Variants in KIAA1549L observed in about 807,000 individuals in gnomAD.
The protein encoded by KIAA1549L is KIAA1549 like.
Under a neutral mutation model 160.7 loss-of-function variants are expected in KIAA1549L, and 88 were observed. The observed-to-expected ratio is 0.55, with a 90% confidence interval of 0.46 to 0.65. KIAA1549L has a LOEUF of 0.65. Ranked by LOEUF, KIAA1549L falls within the 30% of genes least tolerant of loss-of-function variation. KIAA1549L has a pLI of 0.00. For missense variants in KIAA1549L, 2,258 were observed against 2,437.5 expected (o/e 0.93, Z 1.55); for synonymous variants, 950 against 976.7 (o/e 0.97, Z 0.51).
At chr11:33,647,831 A>G (rs1851768817) in intron 17 of KIAA1549L, among the ~76,000 whole-genome samples, 1 of 152,184 alleles carries the variant, frequency 6.6e-6, no homozygotes, top group Non-Finnish European at 1.5e-5. Flanking sequence ...ATGAAAACTT[A>G]AATGGTTCTG....
At chr11:33,602,521 C>T (rs1453035303) in intron 13 of KIAA1549L, among the ~76,000 whole-genome samples, 1 of 152,164 alleles carries the variant, frequency 6.6e-6, no homozygotes. Flanking sequence ...GGAGGCACTC[C>T]CCATGCCAGT....
intron 1 of KIAA1549L, among the ~76,000 whole-genome samples, chr11:33,448,625 T>C (rs1002734424): frequency 3.3e-4 from 50 of 152,206 alleles, no homozygotes; most frequent in African/African-American, 1.2e-3. Context: ...TTGAGGTCTT[T>C]TGGTTATGAT....
chr11:33,645,161 G>T (rs1411871320), intron 16 of KIAA1549L, among the ~76,000 whole-genome samples: 1 of 152,216 alleles, frequency 6.6e-6, no homozygotes, highest in Admixed American at 6.5e-5. Flanking sequence ...GCTTCTGATT[G>T]CGTACCACGC....
chr11:33,456,133 A>C (rs1851815917), intron 1 of KIAA1549L, among the ~76,000 whole-genome samples: 2 of 152,194 alleles, frequency 1.3e-5, no homozygotes, highest in Non-Finnish European at 2.9e-5. Context: ...ATTTAAAATG[A>C]AAAGAGGAGA....
At chr11:33,465,383 T>A in intron 1 of KIAA1549L, among the ~76,000 whole-genome samples, 1 of 152,022 alleles carries the variant, frequency 6.6e-6, no homozygotes, top group Non-Finnish European at 1.5e-5. Context: ...TCCTTCACCG[T>A]CACCTCTTAT....
At position 33,540,783 on chromosome 11, in the gene KIAA1549L, A is replaced by G. The variant is rs566177727; in HGVS notation, c.239-1019A>G. ...CTTTGGCTCTTCAGAAAGCACCCCA[A>G]TGATCCTGATCTGGTGATCAGGAGA... On this transcript the variant is annotated intron_variant, in intron 1 of 20. Coordinates refer to ENST00000658780, the MANE Select transcript of KIAA1549L (RefSeq NM_012194.3). 3.6e-4 allele frequency among the ~76,000 whole-genome samples: 55 copies of G among 152,300 alleles called. 1 individual carries two copies. The highest frequency in any genetic ancestry group is 8.9e-4 in the African/African-American group (37 of 41,564).
At chr11:33,522,901 A>C (rs1030401099) in intron 1 of KIAA1549L, among the ~76,000 whole-genome samples, 2 of 14,542 alleles carry the variant, frequency 1.4e-4, no homozygotes, top group East Asian at 1.8e-3. Context: ...TCTCTCTCTC[A>C]AAAAAAAAAA....
intron 1 of KIAA1549L, among the ~76,000 whole-genome samples, chr11:33,408,265 A>G (rs182527125): frequency 6.6e-6 from 1 of 152,220 alleles, no homozygotes; most frequent in Non-Finnish European, 1.5e-5. Flanking sequence ...TGCTCTGGGC[A>G]TCAGTCGGGA....
At chr11:33,597,381 G>A (rs1185882244) in intron 12 of KIAA1549L, among the ~76,000 whole-genome samples, 2 of 152,162 alleles carry the variant, frequency 1.3e-5, no homozygotes, top group Non-Finnish European at 2.9e-5. Context: ...GAGGGGAGAA[G>A]GGAGGAGGAG....
intron 18 of KIAA1549L, 34 bp downstream of exon 18, chr11:33,656,143 A>G (rs1852057836): frequency 6.4e-7 from 1 of 1,550,748 alleles, no homozygotes; most frequent in African/African-American, 1.4e-5. Flanking sequence ...TGTTTGGAAT[A>G]TTTGGAAAAG....
At chr11:33,657,570 G>A (rs1032230561) in intron 18 of KIAA1549L, among the ~76,000 whole-genome samples, 2 of 152,156 alleles carry the variant, frequency 1.3e-5, no homozygotes, top group African/African-American at 4.8e-5. Context: ...GCTGAGGCGG[G>A]TGGATCATTT....
chr11:33,620,024 A>T (rs1453812838), intron 16 of KIAA1549L, among the ~76,000 whole-genome samples: 2 of 150,020 alleles, frequency 1.3e-5, no homozygotes, highest in African/African-American at 5.0e-5. Context: ...ATTGGCATTA[A>T]TAGGGTTTTT....
intron 4 of KIAA1549L, 137 bp from the exon 5 acceptor site, chr11:33,550,903 G>A (rs1854437498): frequency 1.4e-6 from 1 of 734,204 alleles, no homozygotes; most frequent in Admixed American, 2.2e-5. Flanking sequence ...TTATAGAATT[G>A]TTAAGAATAT....
At chr11:33,439,746 C>G (rs1459159753) in intron 1 of KIAA1549L, among the ~76,000 whole-genome samples, 2 of 151,998 alleles carry the variant, frequency 1.3e-5, no homozygotes, top group African/African-American at 4.8e-5. Flanking sequence ...TTTGAGTTCT[C>G]TCTTCTAGCT....
At chr11:33,424,817 A>T (rs554549435) in intron 1 of KIAA1549L, among the ~76,000 whole-genome samples, 1 of 152,284 alleles carries the variant, frequency 6.6e-6, no homozygotes, top group Admixed American at 6.5e-5. Context: ...ATCATCACAG[A>T]TGCAGCCTGC....
Position 33,668,359 on chromosome 11 carries a change from AGT to A in KIAA1549L, c.*206_*207del. On this transcript the variant is annotated 3_prime_UTR_variant, in exon 21 of 21. Coordinates refer to ENST00000658780, the MANE Select transcript of KIAA1549L (RefSeq NM_012194.3). The stretch of plus-strand genomic sequence containing the variant: ...GGCTCATCCAACTGATTGTGGGTCA[AGT>A]CCCTGGCTTGGGGCCTTATGTTTGA... 1.7e-6 allele frequency: 1 copy of A among 602,464 alleles called. No homozygotes were observed. The highest frequency in any genetic ancestry group is 2.1e-5 in the South Asian group (1 of 47,238). The allele number at this position is 602,464 out of a possible 1,614,324, so 37.3% of individuals were successfully genotyped here.
chr11:33,479,507 C>T (rs1172536961), intron 1 of KIAA1549L, among the ~76,000 whole-genome samples: 1 of 152,112 alleles, frequency 6.6e-6, no homozygotes, highest in East Asian at 1.9e-4. Flanking sequence ...GACAAGCTGG[C>T]CCTTGAAGTG....
At chr11:33,477,111 T>C (rs1003654850) in intron 1 of KIAA1549L, among the ~76,000 whole-genome samples, 1 of 152,188 alleles carries the variant, frequency 6.6e-6, no homozygotes, top group African/African-American at 2.4e-5. Flanking sequence ...AACACTTCAG[T>C]ATCTATGCAA....
At chr11:33,451,494 A>G (rs570897850) in intron 1 of KIAA1549L, among the ~76,000 whole-genome samples, 1 of 152,330 alleles carries the variant, frequency 6.6e-6, no homozygotes, top group East Asian at 1.9e-4. Flanking sequence ...ATTTCTCCCT[A>G]CATTATTTCT....
Sources: allele counts gnomAD v4.1 joint callset (sites outside exome capture counted in the v4.1 genomes callset), GRCh38; gene constraint gnomAD v4.1.1; transcripts MANE v1.5; gene names NCBI Gene and HGNC (gene_info 2026-07-23, HGNC 2026-07-21).